SLC38A10: variants seen among roughly 807,000 people sequenced by gnomAD.
SLC38A10 encodes solute carrier family 38 member 10.
A neutral mutation model predicts 81.0 loss-of-function variants in SLC38A10; 53 were observed. The observed-to-expected ratio is 0.65, with a 90% confidence interval of 0.53 to 0.82. SLC38A10 has a LOEUF of 0.82. SLC38A10 is among the 40% of genes least tolerant of loss of function. The probability of loss-of-function intolerance (pLI) is 0.00; values close to 1 mark genes in which losing one functional copy is unlikely to be tolerated. For synonymous variants in SLC38A10, 665 were observed against 655.3 expected (o/e 1.01, Z -0.23); for missense variants, 1,471 against 1,545.0 (o/e 0.95, Z 0.80).
Position 81,245,996 on chromosome 17 carries a change from C to T in SLC38A10, c.2920G>A (p.Gly974Ser). 1.9e-6 allele frequency: 3 copies of T among 1,605,832 alleles called. No homozygotes were observed. The change falls in exon 16 of 16, where the codon GGC becomes AGC. Residue 974 changes from glycine to serine, a missense_variant. Physicochemically the swap from Gly to Ser is moderately conservative, Grantham distance 56 (BLOSUM62 0). This residue lies in a region of SLC38A10 where 751 missense variants were observed against 717.4 expected (regional missense o/e 1.05). Transcript: ENST00000374759. ...ISDGEQGGQQGHRLDHGGHLE... is the reference protein window; with the variant it reads ...ISDGEQGGQQSHRLDHGGHLE... ...TGACCGCCATGGTCCAGCCGGTGGC[C>T]CTGCTGTCCACCCTGCTCGCCATCA...
intron 1 of SLC38A10, among the ~76,000 whole-genome samples, chr17:81,290,790 G>A (rs965049069): frequency 1.3e-5 from 2 of 151,780 alleles, no homozygotes; most frequent in African/African-American, 2.4e-5. Flanking sequence ...GGCAGATCAC[G>A]AGGTCAGGAG....
chr17:81,264,839 G>A (rs537780983), intron 10 of SLC38A10: 12 of 152,320 alleles, frequency 7.9e-5, no homozygotes, highest in African/African-American at 2.6e-4. Flanking sequence ...GTGTCTGAGA[G>A]TCGCAGTGTG....
At position 81,253,591 on chromosome 17, in the gene SLC38A10, AC is replaced by A. The variant is rs1233032061; in HGVS notation, c.1289-352del. 7.3e-6 allele frequency among the ~76,000 whole-genome samples: 1 copy of A among 137,164 alleles called. No individual in the cohort carries two copies. The highest frequency in any genetic ancestry group is 1.6e-5 in the Non-Finnish European group (1 of 61,742). The allele number at this position is 137,164 out of a possible 152,430, so 90.0% of individuals were successfully genotyped here. A position where few individuals can be genotyped will look rare whatever the true frequency, so the allele number is the denominator to read the frequency against. On this transcript the variant is annotated intron_variant, in intron 11 of 15. Coordinates refer to ENST00000374759, the MANE Select transcript of SLC38A10 (RefSeq NM_001037984.3). This position sits in a 1 kb window ranked among gnomAD's most constrained non-coding sequence, Gnocchi z 4.1. ...CATCACCGTCATCACCGTCACCTCCACCACCACCACCACCATCACCGCTATC... is the reference window on the plus strand; with the variant it reads ...CATCACCGTCATCACCGTCACCTCCACACCACCACCACCATCACCGCTATC...
At chr17:81,280,000 C>T (rs536117063) in intron 6 of SLC38A10, 11 of 352,696 alleles carry the variant, frequency 3.1e-5, no homozygotes, top group South Asian at 2.4e-4. Flanking sequence ...TGCCAGCCCC[C>T]CGCATGCCGA....
intron 9 of SLC38A10, 40 bp from the exon 10 acceptor site, chr17:81,271,064 G>A (rs1238716039): frequency 1.3e-6 from 2 of 1,556,064 alleles, no homozygotes; most frequent in African/African-American, 2.7e-5. Context: ...AGTGGGGAAG[G>A]GCTCTGGGAA....
rs1022481850 is a variant in SLC38A10 at position 81,277,329 on chromosome 17, A to G, written c.627-196T>C. On this transcript the variant is annotated intron_variant, in intron 6 of 15. Coordinates refer to ENST00000374759, the MANE Select transcript of SLC38A10 (RefSeq NM_001037984.3). This position sits in a 1 kb window ranked among gnomAD's most constrained non-coding sequence, Gnocchi z 4.5. Reference sequence around the variant, plus strand: ...GGACAGGAGCGTTGCAGCAGCCCCCACTCAGGACACCCCCCAGAGCGTGCA... The same window carrying G: ...GGACAGGAGCGTTGCAGCAGCCCCCGCTCAGGACACCCCCCAGAGCGTGCA... Among the ~76,000 whole-genome samples, 17 of 152,198 alleles carry G rather than the reference A, an allele frequency of 1.1e-4. No homozygotes were observed. The highest frequency in any genetic ancestry group is 4.1e-4 in the African/African-American group (17 of 41,536).
In SLC38A10 at chr17:81,252,367, A is replaced by G; in HGVS notation, c.1773T>C (p.Pro591=). 6.2e-7 allele frequency: 1 copy of G among 1,613,104 alleles called. No individual in the cohort carries two copies. The highest frequency in any genetic ancestry group is 1.1e-5 in the South Asian group (1 of 91,072). Residue 591 remains proline (P), a synonymous_variant, in exon 13 of 16, where the codon CCT becomes CCC. Coordinates refer to ENST00000374759, the MANE Select transcript of SLC38A10 (RefSeq NM_001037984.3). ...CTCCTGGCCCCAGGTCCTCCTTTGC[A>G]GGCTGGACAGCTGGCTGACCATCTG... ...PEADGQPAVQ[P]AKEDLGPGDR... is the part of the protein sequence containing the mutation.
intron 10 of SLC38A10, 139 bp from the exon 11 acceptor site, chr17:81,260,533 G>A (rs1247281822): frequency 1.4e-5 from 17 of 1,197,302 alleles, no homozygotes; most frequent in African/African-American, 3.1e-5. Context: ...CCCCGAGGAC[G>A]GGACAGGCGT....
intron 9 of SLC38A10, 87 bp from the exon 10 acceptor site, chr17:81,271,111 G>GC: frequency 9.2e-7 from 1 of 1,090,642 alleles, no homozygotes; most frequent in Non-Finnish European, 1.4e-6. Flanking sequence ...ACACGGGTGA[G>GC]CAAGCCAGCA....
intron 11 of SLC38A10, among the ~76,000 whole-genome samples, chr17:81,255,638 C>A (rs998704782): frequency 9.9e-5 from 15 of 152,194 alleles, no homozygotes; most frequent in South Asian, 6.2e-4. Flanking sequence ...TCCACGCACG[C>A]CCCCAGGAAC....
intron 6 of SLC38A10, 152 bp downstream of exon 6, chr17:81,280,457 C>A (rs774208515): frequency 7.1e-5 from 83 of 1,172,774 alleles, no homozygotes; most frequent in Admixed American, 4.5e-4. Flanking sequence ...CTCCCTCAAC[C>A]TGGGGCGGGA....
intron 14 of SLC38A10, chr17:81,247,671 A>C (rs888047031): frequency 1.8e-4 from 27 of 151,440 alleles, no homozygotes; most frequent in African/African-American, 6.3e-4. Context: ...CACAAAAACA[A>C]AAAAAACAAA....
Position 81,275,962 on chromosome 17 carries a change from G to T in SLC38A10, c.912+7C>A. 6.2e-7 allele frequency: 1 copy of T among 1,612,720 alleles called. No homozygotes were observed. Among genetic ancestry groups the T allele is most frequent in the East Asian group, 2.2e-5 (1 of 44,856 alleles). ...TTACGATCCGGAGAGTGCCCCGAGG[G>T]TCTTACCTGCTGCTCACACAGCAGC... On this transcript the variant is annotated splice_region_variant and intron_variant, in intron 8 of 15. Coordinates refer to ENST00000374759, the MANE Select transcript of SLC38A10 (RefSeq NM_001037984.3).
chr17:81,287,340 G>C (rs958073180), intron 2 of SLC38A10, among the ~76,000 whole-genome samples: 3 of 152,176 alleles, frequency 2.0e-5, no homozygotes, highest in Non-Finnish European at 4.4e-5. Flanking sequence ...GTGCGAGGAC[G>C]GGACCCAGCC....
rs1480777039 is a variant in SLC38A10, at chr17:81,282,433, G to A, written c.358-101C>T. 3.7e-5 allele frequency: 55 copies of A among 1,476,016 alleles called. 1 individual carries two copies. In the South Asian group the frequency reaches 4.2e-4, roughly 11 times the overall value. 91.4% of individuals were successfully genotyped at this position (1,476,016 alleles called of 1,614,324 possible). A position where few individuals can be genotyped will look rare whatever the true frequency, so the allele number is the denominator to read the frequency against. ...TGGGAGCGCCCCGAGCCCGAAAGCC[G>A]ACGGCATCCAGGTGAATGACGCCGG... On this transcript the variant is annotated intron_variant, in intron 4 of 15. Coordinates refer to ENST00000374759, the MANE Select transcript of SLC38A10 (RefSeq NM_001037984.3).
intron 14 of SLC38A10, 149 bp from the exon 15 acceptor site, chr17:81,247,210 G>C: frequency 1.2e-6 from 1 of 813,746 alleles, no homozygotes; most frequent in South Asian, 2.1e-5. Context: ...CATCATGACT[G>C]TGACCGTGAA....
At chr17:81,280,040 G>A (rs982411063) in intron 6 of SLC38A10, 23 of 403,292 alleles carry the variant, frequency 5.7e-5, no homozygotes, top group South Asian at 2.1e-4. Context: ...CCGGATTTAC[G>A]CCTCTCTTTT....
At chr17:81,252,863 A>G (rs1203060882) in intron 12 of SLC38A10, among the ~76,000 whole-genome samples, 180 bp from the exon 13 acceptor site, 2 of 152,208 alleles carry the variant, frequency 1.3e-5, no homozygotes. Flanking sequence ...CTAAAGTTCA[A>G]CAGGGGCAGC....
At chr17:81,246,803 C>T (rs1000138603) in intron 15 of SLC38A10, 82 bp downstream of exon 15, 94 of 1,509,760 alleles carry the variant, frequency 6.2e-5, no homozygotes, top group Non-Finnish European at 7.5e-5. Context: ...TAGAGGCCAC[C>T]GAGCCTCAGA....
Sources: gnomAD v4.1 joint callset for allele counts (sites outside exome capture counted in the v4.1 genomes callset) on GRCh38, gnomAD v4.1.1 for gene constraint, gnomAD v4.1.1 regional missense constraint, Gnocchi (gnomAD v3.1) non-coding constraint, MANE v1.5 for transcripts, NCBI Gene and HGNC (gene_info 2026-07-23, HGNC 2026-07-21) for gene names.